Variants in MYO16 observed in about 807,000 individuals in gnomAD.
MYO16 encodes myosin XVI, also known as unconventional myosin-XVI.
Under a neutral mutation model 205.3 loss-of-function variants are expected in MYO16, and 94 were observed. That is an observed-to-expected ratio of 0.46 (90% CI 0.39 to 0.54). The LOEUF is 0.54. Among genes scored for constraint, MYO16 ranks in the 20% least tolerant of loss-of-function variants. The pLI, the probability that MYO16 is intolerant of heterozygous loss-of-function variation, is 0.00. For missense variants in MYO16, 2,315 were observed against 2,387.5 expected, an observed-to-expected ratio of 0.97 and a Z score of 0.63; for synonymous variants, 988 against 954.0, an observed-to-expected ratio of 1.04 and a Z score of -0.66.
At chr13:109,182,329 T>C (rs1004513419) in intron 34 of MYO16, among the ~76,000 whole-genome samples, 1 of 152,042 alleles carries the variant, frequency 6.6e-6, no homozygotes, top group Non-Finnish European at 1.5e-5. Flanking sequence ...CTACCTACGA[T>C]GGATGCAGAG....
At chr13:109,042,064 A>G (rs1274992703) in intron 23 of MYO16, among the ~76,000 whole-genome samples, 1 of 151,998 alleles carries the variant, frequency 6.6e-6, no homozygotes, top group Non-Finnish European at 1.5e-5. Flanking sequence ...AGGTTTTGCC[A>G]TGTTGACCAG....
At chr13:108,501,488 G>C in the MYO16 span, among the ~76,000 whole-genome samples, 2 of 152,218 alleles carry the variant, frequency 1.3e-5, no homozygotes, top group African/African-American at 4.8e-5. Context: ...AACTCAGAGA[G>C]ACTGAATCAT....
chr13:108,656,233 C>G (rs995528167), intron 1 of MYO16, among the ~76,000 whole-genome samples: 7 of 152,138 alleles, frequency 4.6e-5, no homozygotes, highest in Non-Finnish European at 1.0e-4. Context: ...TTCCCCCATA[C>G]TACTCTCGTG....
intron 34 of MYO16, among the ~76,000 whole-genome samples, chr13:109,195,491 G>GTTCCC (rs1229368989): frequency 6.6e-6 from 1 of 151,966 alleles, no homozygotes; most frequent in Non-Finnish European, 1.5e-5. Flanking sequence ...TATATCTTTA[G>GTTCCC]GATTTATTTA....
intron 27 of MYO16, among the ~76,000 whole-genome samples, chr13:109,097,438 A>G (rs566705998): frequency 6.6e-6 from 1 of 152,114 alleles, no homozygotes; most frequent in Non-Finnish European, 1.5e-5. Context: ...CCAACCCTCT[A>G]CATATCCCCC....
chr13:108,914,786 G>A lies in MYO16; in HGVS notation c.1925+4636G>A, dbSNP rs544989709. The stretch of plus-strand genomic sequence containing the variant: ...GCCTCCTGAATAGCTGGGATTACAG[G>A]TACATGACACCCCATCTGGCTGATT... On this transcript the variant is annotated intron_variant, in intron 16 of 34. Transcript: ENST00000457511. 1.0e-3 allele frequency among the ~76,000 whole-genome samples: 156 copies of A among 152,204 alleles called. 2 individuals carry two copies. The Middle Eastern group carries it at 0.027, about 27-fold the overall frequency.
rs148314593 is a variant in MYO16 at position 108,883,014 on chromosome 13, G to A, written c.1426-45G>A. 1,200 of 1,603,792 alleles carry A rather than the reference G, an allele frequency of 7.5e-4. 8 individuals carry two copies. In the African/African-American group the frequency reaches 0.013, roughly 18 times the overall value. On this transcript the variant is annotated intron_variant, in intron 12 of 34. Coordinates refer to ENST00000457511, the MANE Select transcript of MYO16 (RefSeq NM_001198950.3). ...TCATTATGGGATGAGGAATACTGGC[G>A]CCTTTTCACTGAGGTTTTCCCCTTG...
In MYO16 at chr13:109,125,268, G is replaced by A. The variant is rs745793330; in HGVS notation, c.3692G>A (p.Arg1231Gln). ...ATTCAGAATGCTTCAGACATTGCCC[G>A]GGAAAATGACCGGCTCCGTAGTGAA... ...LVIQNASDIARENDRLRSEMN... is the reference protein window; with the variant it reads ...LVIQNASDIAQENDRLRSEMN... Residue 1231 changes from arginine (R) to glutamine (Q), a missense_variant, in exon 30 of 35, where the codon CGG becomes CAG. Arg to Gln is a conservative substitution (Grantham distance 43). Around this residue, in one of 3 missense-constraint regions of MYO16, gnomAD observed 1,097 missense variants for 1,092.0 expected, o/e 1.00. Coordinates refer to ENST00000457511, the MANE Select transcript of MYO16 (RefSeq NM_001198950.3). This position sits in a 1 kb window ranked among gnomAD's most constrained non-coding sequence, Gnocchi z 4.0. 27 of 1,613,986 alleles carry A rather than the reference G, an allele frequency of 1.7e-5. No homozygotes were observed. The Middle Eastern group carries it at 4.9e-4, about 29-fold the overall frequency.
intron 4 of MYO16, among the ~76,000 whole-genome samples, chr13:108,776,995 A>G (rs768724351): frequency 3.9e-5 from 6 of 152,170 alleles, no homozygotes; most frequent in South Asian, 2.1e-4. Flanking sequence ...CACATTTGTT[A>G]AATGCAATAG....
chr13:108,903,786 G>A (rs981895101), intron 15 of MYO16, among the ~76,000 whole-genome samples: 3 of 152,158 alleles, frequency 2.0e-5, no homozygotes, highest in Non-Finnish European at 4.4e-5. Flanking sequence ...ACATTTTAAA[G>A]AGAGCTGAGT....
At chr13:108,850,767 GA>G (rs747759657) in intron 10 of MYO16, among the ~76,000 whole-genome samples, 7 of 152,180 alleles carry the variant, frequency 4.6e-5, no homozygotes, top group Non-Finnish European at 7.3e-5. Context: ...ATCTTGACGT[GA>G]GAAATGCAAG....
chr13:109,164,882 T>C lies in MYO16; in HGVS notation c.5165-19T>C, dbSNP rs1391679712. 1 of 1,495,154 alleles carries C rather than the reference T, an allele frequency of 6.7e-7. No individual in the cohort carries two copies. Among genetic ancestry groups the C allele is most frequent in the African/African-American group, 1.4e-5 (1 of 70,508 alleles). 92.6% of individuals were successfully genotyped at this position (1,495,154 alleles called of 1,614,324 possible). On this transcript the variant is annotated intron_variant, in intron 32 of 34. Coordinates refer to ENST00000457511, the MANE Select transcript of MYO16 (RefSeq NM_001198950.3). The stretch of plus-strand genomic sequence containing the variant: ...ACATGTTATCAGAAAATAATTATGT[T>C]TTCTAAAATTTATTTTAGGTTTTGA...
At chr13:109,001,581 G>T (rs970567324) in intron 21 of MYO16, among the ~76,000 whole-genome samples, 1 of 152,046 alleles carries the variant, frequency 6.6e-6, no homozygotes, top group African/African-American at 2.4e-5. Flanking sequence ...TTTTAAAACT[G>T]AAGTAAACAA....
At chr13:108,904,197 T>C (rs868636617) in intron 15 of MYO16, among the ~76,000 whole-genome samples, 7 of 152,196 alleles carry the variant, frequency 4.6e-5, no homozygotes, top group African/African-American at 1.7e-4. Flanking sequence ...ATGTAATTTA[T>C]AAATAGCATT....
chr13:108,590,261 T>C, the MYO16 span, among the ~76,000 whole-genome samples: 1 of 152,236 alleles, frequency 6.6e-6, no homozygotes, highest in Non-Finnish European at 1.5e-5. Context: ...CTGAGTCTTA[T>C]GCAGTGGTTC....
At chr13:108,574,663 A>G in the MYO16 span, among the ~76,000 whole-genome samples, 13 of 127,752 alleles carry the variant, frequency 1.0e-4, no homozygotes, top group African/African-American at 3.0e-4. Flanking sequence ...GCCTACCAAT[A>G]ACAATTTGTG....
At chr13:109,046,125 G>A (rs1887037161) in intron 23 of MYO16, among the ~76,000 whole-genome samples, 2 of 151,980 alleles carry the variant, frequency 1.3e-5, no homozygotes, top group South Asian at 4.1e-4. Context: ...GAGTAAAGAG[G>A]CCTCACTGGT....
chr13:108,659,461 T>G (rs1470428675), intron 1 of MYO16: 11 of 323,648 alleles, frequency 3.4e-5, no homozygotes, highest in Non-Finnish European at 6.1e-5. Context: ...GCCATAAACT[T>G]TTATCTGGAA....
intron 16 of MYO16, among the ~76,000 whole-genome samples, chr13:108,923,179 G>A (rs1881823725): frequency 6.6e-6 from 1 of 152,200 alleles, no homozygotes. Flanking sequence ...GGAAGGAGAG[G>A]CCTGAGCCCC....
Sources: gnomAD v4.1 joint callset for allele counts (sites outside exome capture counted in the v4.1 genomes callset) on GRCh38, gnomAD v4.1.1 for gene constraint, gnomAD v4.1.1 regional missense constraint, Gnocchi (gnomAD v3.1) non-coding constraint, MANE v1.5 for transcripts, NCBI Gene and HGNC (gene_info 2026-07-23, HGNC 2026-07-21) for gene names.